Variants in MPP7 observed in about 807,000 individuals in gnomAD.
The protein encoded by MPP7 is MAGUK p55 subfamily member 7.
In MPP7, 60 loss-of-function variants were observed where a neutral mutation model predicts 76.5. The observed-to-expected ratio is 0.78, with a 90% CI of 0.64 to 0.97. The LOEUF (loss-of-function observed/expected upper bound fraction) is 0.97. Among genes scored for constraint, MPP7 ranks in the 50% least tolerant of loss-of-function variants. The pLI, the probability that MPP7 is intolerant of heterozygous loss-of-function variation, is 0.00. For missense variants in MPP7, 641 were observed against 694.0 expected, an observed-to-expected ratio of 0.92 and a Z score of 0.86; for synonymous variants, 237 against 244.5, an observed-to-expected ratio of 0.97 and a Z score of 0.29.
chr10:28,223,377 T>C (rs1254484146), intron 2 of MPP7, among the ~76,000 whole-genome samples: 3 of 152,134 alleles, frequency 2.0e-5, no homozygotes, highest in Non-Finnish European at 4.4e-5. Flanking sequence ...CAATGCGGGG[T>C]CCCAATAATC....
chr10:28,291,851 T>A (rs554027676), intron 1 of MPP7, among the ~76,000 whole-genome samples: 1 of 152,058 alleles, frequency 6.6e-6, no homozygotes, highest in South Asian at 2.1e-4. Context: ...CTTTGTTTAT[T>A]ACTGAAGAAA....
intron 2 of MPP7, among the ~76,000 whole-genome samples, chr10:28,230,619 G>A (rs1838848334): frequency 1.3e-5 from 2 of 152,098 alleles, no homozygotes; most frequent in African/African-American, 4.8e-5. Context: ...TTCAAGACCA[G>A]CCTGGCCAAC....
At chr10:28,260,373 A>G (rs1387524921) in intron 1 of MPP7, among the ~76,000 whole-genome samples, 1 of 152,204 alleles carries the variant, frequency 6.6e-6, no homozygotes, top group Non-Finnish European at 1.5e-5. Context: ...AAGCTTCCTT[A>G]TACCTACAGA....
At chr10:28,224,344 T>C (rs1274656658) in intron 2 of MPP7, among the ~76,000 whole-genome samples, 4 of 150,368 alleles carry the variant, frequency 2.7e-5, no homozygotes, top group Non-Finnish European at 5.9e-5. Context: ...AAGAGAACAA[T>C]GTGAATATCA....
At chr10:28,325,554 C>T (rs931757588) in intron 2 of MPP7, among the ~76,000 whole-genome samples, 13 of 151,708 alleles carry the variant, frequency 8.6e-5, no homozygotes, top group South Asian at 4.2e-4. Context: ...AGTGCAGTGG[C>T]GTGATCTCAG....
chr10:28,245,196 C>G (rs1232054401), intron 1 of MPP7, among the ~76,000 whole-genome samples: 1 of 152,160 alleles, frequency 6.6e-6, no homozygotes, highest in Non-Finnish European at 1.5e-5. Flanking sequence ...AAGAGTGATA[C>G]AACTTCTTGA....
At chr10:28,166,018 C>CT (rs1204613620) in intron 3 of MPP7, among the ~76,000 whole-genome samples, 2 of 84,386 alleles carry the variant, frequency 2.4e-5, no homozygotes, top group Non-Finnish European at 4.6e-5. Flanking sequence ...GAGCAAGACT[C>CT]ATCTCAAAAA....
At position 28,098,246 on chromosome 10, in the gene MPP7, A is replaced by C. The variant is rs551041339; in HGVS notation, c.953-8405T>G. On this transcript the variant is annotated intron_variant, in intron 11 of 16. Transcript: ENST00000683449. The stretch of plus-strand genomic sequence containing the variant: ...AACTTATAAAACACCTTCTCAAAGA[A>C]ATGAAGTTGAAACTATTAAAATTAT... Among the ~76,000 whole-genome samples the C allele has an allele frequency of 1.2e-3, 175 of 152,156 alleles. 1 individual carries two copies. Among genetic ancestry groups the C allele is most frequent in the African/African-American group, 4.1e-3 (169 of 41,574 alleles).
rs576065881 is a variant in MPP7, at chr10:28,126,453, A to G, written c.448-1362T>C. ...CCTAGTAATCTAAGTTTACTTATCC[A>G]TAGTTTCTGGATGATAAACTGAATA... On this transcript the variant is annotated intron_variant, in intron 6 of 16. Transcript: ENST00000683449. 1.2e-4 allele frequency among the ~76,000 whole-genome samples: 18 copies of G among 152,356 alleles called. No individual in the cohort carries two copies. In the South Asian group the frequency reaches 3.7e-3, roughly 32 times the overall value.
At chr10:28,074,957 G>C (rs150342743) in intron 12 of MPP7, among the ~76,000 whole-genome samples, 1 of 152,274 alleles carries the variant, frequency 6.6e-6, no homozygotes, top group Admixed American at 6.5e-5. Flanking sequence ...ATAAGGAAAA[G>C]AGGTTTAATT....
chr10:28,285,147 T>C (rs1840763235), intron 1 of MPP7, among the ~76,000 whole-genome samples: 1 of 152,224 alleles, frequency 6.6e-6, no homozygotes, highest in African/African-American at 2.4e-5. Flanking sequence ...TGAAAACTGA[T>C]GTTAAAAACA....
At chr10:28,301,894 T>C (rs183482238) in intron 1 of MPP7, among the ~76,000 whole-genome samples, 7 of 152,308 alleles carry the variant, frequency 4.6e-5, no homozygotes, top group Non-Finnish European at 1.5e-5. Flanking sequence ...AAGCAATATA[T>C]TGAGCAAGTC....
intron 2 of MPP7, among the ~76,000 whole-genome samples, chr10:28,236,283 T>C (rs942626809): frequency 6.6e-6 from 1 of 152,116 alleles, no homozygotes; most frequent in Non-Finnish European, 1.5e-5. Flanking sequence ...AGCAATATGA[T>C]GGAAAAGTAT....
intron 2 of MPP7, among the ~76,000 whole-genome samples, chr10:28,221,701 T>G (rs1308994409): frequency 6.6e-6 from 1 of 152,150 alleles, no homozygotes; most frequent in Non-Finnish European, 1.5e-5. Context: ...CCCCTAAATT[T>G]GTCAAGAAGA....
chr10:28,261,383 G>GA (rs1386371749), intron 1 of MPP7, among the ~76,000 whole-genome samples: 1 of 152,130 alleles, frequency 6.6e-6, no homozygotes, highest in Admixed American at 6.6e-5. Flanking sequence ...TTTTTATATT[G>GA]AAATGAGTCA....
intron 2 of MPP7, among the ~76,000 whole-genome samples, chr10:28,310,733 T>C (rs1841285212): frequency 1.3e-5 from 2 of 152,200 alleles, no homozygotes; most frequent in Non-Finnish European, 1.5e-5. Context: ...ATTACAGCAG[T>C]GATCCTGTTG....
At chr10:28,292,192 T>C (rs1170623135) in intron 1 of MPP7, among the ~76,000 whole-genome samples, 1 of 152,188 alleles carries the variant, frequency 6.6e-6, no homozygotes, top group African/African-American at 2.4e-5. Flanking sequence ...CCATATAACC[T>C]AGGTGTGTAG....
intron 3 of MPP7, among the ~76,000 whole-genome samples, chr10:28,180,470 T>G (rs1021759700): frequency 6.6e-6 from 1 of 152,208 alleles, no homozygotes; most frequent in African/African-American, 2.4e-5. Context: ...GCGCAACTGT[T>G]AGATCAATAG....
intron 13 of MPP7, among the ~76,000 whole-genome samples, chr10:28,068,203 CA>C (rs752883666): frequency 6.6e-6 from 1 of 150,882 alleles, no homozygotes; most frequent in East Asian, 1.9e-4. Context: ...TAATTACAGG[CA>C]AAAAAAATGT....
Sources: allele counts gnomAD v4.1 joint callset (sites outside exome capture counted in the v4.1 genomes callset), GRCh38; gene constraint gnomAD v4.1.1; transcripts MANE v1.5; gene names NCBI Gene and HGNC (gene_info 2026-07-23, HGNC 2026-07-21).